DDX23: variants seen among roughly 807,000 people sequenced by gnomAD.
DDX23 encodes DEAD-box helicase 23, also known as probable ATP-dependent RNA helicase DDX23.
Under a neutral mutation model 102.7 loss-of-function variants are expected in DDX23, and 33 were observed. That is an observed-to-expected ratio of 0.32 (90% CI 0.24 to 0.43). DDX23 has a LOEUF of 0.43. Among genes scored for constraint, DDX23 ranks in the 20% least tolerant of loss-of-function variants. The pLI, the probability that DDX23 is intolerant of heterozygous loss-of-function variation, is 1.00. For synonymous variants in DDX23, 352 were observed against 376.0 expected (o/e 0.94, Z 0.74); for missense variants, 549 against 1,086.6 (o/e 0.51, Z 6.96).
intron 3 of DDX23, 25 bp downstream of exon 3, chr12:48,843,915 A>G: frequency 6.2e-7 from 1 of 1,604,222 alleles, no homozygotes. Context: ...ATTCCCCTAA[A>G]GCCCCCTCTC....
chr12:48,839,636 G>A (rs1231817838), intron 5 of DDX23: 11 of 577,932 alleles, frequency 1.9e-5, no homozygotes, highest in African/African-American at 1.7e-4. Flanking sequence ...TGTGTACAGA[G>A]GGAGGACCAT....
rs1453933691 is a variant in DDX23 at position 48,832,048 on chromosome 12, C to G, written c.2064+30G>C. 1.9e-6 allele frequency: 3 copies of G among 1,604,084 alleles called. No homozygotes were observed. The highest frequency in any genetic ancestry group is 2.2e-5 in the South Asian group (2 of 90,860). On this transcript the variant is annotated intron_variant, in intron 15 of 16. Coordinates refer to ENST00000308025, the MANE Select transcript of DDX23 (RefSeq NM_004818.3). The surrounding 1 kb of genome is among the most constrained non-coding windows in gnomAD (Gnocchi z 4.4). ...GATTCAGAAAGCAGTGCCACAGAGG[C>G]TAGACTTTGTTCTCCCCTGCCAGAC...
In DDX23 at chr12:48,836,048, T is replaced by G. The variant is rs937063712; in HGVS notation, c.1382+73A>C. On this transcript the variant is annotated intron_variant, in intron 11 of 16. Coordinates refer to ENST00000308025, the MANE Select transcript of DDX23 (RefSeq NM_004818.3). The surrounding 1 kb of genome is among the most constrained non-coding windows in gnomAD (Gnocchi z 6.1). ...TCTGATTATAGACGTAAAACAAAAA[T>G]CAAACATTCATTTGCCACTTTCACC... The G allele has an allele frequency of 2.6e-6, 4 of 1,531,152 alleles. No individual in the cohort carries two copies. The African/African-American group carries it at 5.5e-5, about 21-fold the overall frequency. The allele number at this position is 1,531,152 out of a possible 1,614,324, so 94.8% of individuals were successfully genotyped here. A position where few individuals can be genotyped will look rare whatever the true frequency, so the allele number is the denominator to read the frequency against.
chr12:48,844,317 C>T (rs1938625998), intron 2 of DDX23, among the ~76,000 whole-genome samples: 2 of 152,102 alleles, frequency 1.3e-5, no homozygotes, highest in African/African-American at 4.8e-5. Context: ...CTCACTCTCA[C>T]GCCCAGGCTG....
chr12:48,850,870 T>C (rs891136189), intron 1 of DDX23, among the ~76,000 whole-genome samples: 5 of 152,146 alleles, frequency 3.3e-5, no homozygotes, highest in African/African-American at 1.2e-4. Flanking sequence ...ATTGCGGGAA[T>C]GGAAGCCTGA....
intron 3 of DDX23, among the ~76,000 whole-genome samples, chr12:48,840,783 C>T (rs1565677511): frequency 6.6e-6 from 1 of 151,166 alleles, no homozygotes; most frequent in Non-Finnish European, 1.5e-5. Flanking sequence ...GAACTCTTGA[C>T]CTCAGGTGAT....
In DDX23 at chr12:48,850,042, G is replaced by C. The variant is rs547279385; in HGVS notation, c.-1+2042C>G. On this transcript the variant is annotated intron_variant, in intron 1 of 16. Coordinates refer to ENST00000308025, the MANE Select transcript of DDX23 (RefSeq NM_004818.3). Reference sequence around the variant, plus strand: ...TTAACTTGGATTTTAACTGCAATGGGGATCTTAGAAGAGCTTTAAACAGGA... The same window carrying C: ...TTAACTTGGATTTTAACTGCAATGGCGATCTTAGAAGAGCTTTAAACAGGA... Among the ~76,000 whole-genome samples the C allele has an allele frequency of 2.0e-5, 3 of 152,296 alleles. No homozygotes were observed. The South Asian group carries it at 6.2e-4, about 32-fold the overall frequency.
intron 5 of DDX23, among the ~76,000 whole-genome samples, chr12:48,838,442 C>T (rs764668830): frequency 6.6e-6 from 1 of 152,016 alleles, no homozygotes; most frequent in Non-Finnish European, 1.5e-5. Flanking sequence ...CCCAGCTACT[C>T]AGGAGGCTGA....
chr12:48,831,139 T>C lies in DDX23; in HGVS notation c.2239+3A>G. The C allele has an allele frequency of 6.2e-7, 1 of 1,614,090 alleles. No homozygotes were observed. Among genetic ancestry groups the C allele is most frequent in the Non-Finnish European group, 8.5e-7 (1 of 1,179,928 alleles). ...GATTGAAGCTGCTTTCCCTGGAACT[T>C]ACCTTCAATATTTTTGGCCATATCA... On this transcript the variant is annotated splice_donor_region_variant and intron_variant, in intron 16 of 16. Coordinates refer to ENST00000308025, the MANE Select transcript of DDX23 (RefSeq NM_004818.3).
At chr12:48,845,510 C>A (rs919982070) in intron 2 of DDX23, 64 bp downstream of exon 2, 7 of 1,583,610 alleles carry the variant, frequency 4.4e-6, no homozygotes, top group Non-Finnish European at 6.1e-6. Context: ...TCAGAAGAAC[C>A]AAGAAGGAAG....
chr12:48,830,399 T>C lies in DDX23; in HGVS notation c.*70A>G, dbSNP rs1466163203. Reference sequence around the variant, plus strand: ...AAGAGTGAGGACCTGGAAAGAGGGATGTGAGGGTTCTGAAAAACAGGCATC... The same window carrying C: ...AAGAGTGAGGACCTGGAAAGAGGGACGTGAGGGTTCTGAAAAACAGGCATC... On this transcript the variant is annotated 3_prime_UTR_variant, in exon 17 of 17. Transcript: ENST00000308025. The surrounding 1 kb of genome is among the most constrained non-coding windows in gnomAD (Gnocchi z 4.9). 6.5e-7 allele frequency: 1 copy of C among 1,530,950 alleles called. No homozygotes were observed. The allele number at this position is 1,530,950 out of a possible 1,614,324, so 94.8% of individuals were successfully genotyped here.
At position 48,837,927 on chromosome 12, in the gene DDX23, G is replaced by T. The variant is rs1168208157; in HGVS notation, c.619+15C>A. 1 of 1,612,076 alleles carries T rather than the reference G, an allele frequency of 6.2e-7. No individual in the cohort carries two copies. The highest frequency in any genetic ancestry group is 1.3e-5 in the African/African-American group (1 of 74,834). ...CCTCTTCCATCTAGGGGCTACACAGGGTAGAATAACAAACCCAACATCTTC... is the reference window on the plus strand; with the variant it reads ...CCTCTTCCATCTAGGGGCTACACAGTGTAGAATAACAAACCCAACATCTTC... On this transcript the variant is annotated intron_variant, in intron 6 of 16. Coordinates refer to ENST00000308025, the MANE Select transcript of DDX23 (RefSeq NM_004818.3).
intron 1 of DDX23, among the ~76,000 whole-genome samples, chr12:48,851,244 G>A (rs1179750260): frequency 1.3e-5 from 2 of 152,178 alleles, no homozygotes; most frequent in African/African-American, 2.4e-5. Context: ...GGCCGAGACA[G>A]GTGGATTGCC....
chr12:48,831,985 G>C (rs1592199191), intron 15 of DDX23, 93 bp downstream of exon 15: 1 of 1,179,172 alleles, frequency 8.5e-7, no homozygotes. Flanking sequence ...CTAAAGAAAG[G>C]GTGAGACTTG....
chr12:48,830,754 G>C lies in DDX23; in HGVS notation c.2240-62C>G. 1.3e-6 allele frequency: 2 copies of C among 1,493,426 alleles called. No homozygotes were observed. Among genetic ancestry groups the C allele is most frequent in the South Asian group, 2.6e-5 (2 of 77,544 alleles). The allele number at this position is 1,493,426 out of a possible 1,614,324, so 92.5% of individuals were successfully genotyped here. On this transcript the variant is annotated intron_variant, in intron 16 of 16. Transcript: ENST00000308025. The surrounding 1 kb of genome is among the most constrained non-coding windows in gnomAD (Gnocchi z 4.9). ...GATGCCCTGGGGAGCCGTGTCTGATGCCTCCACTTCTAGAGGCATCCTTCC... is the reference window on the plus strand; with the variant it reads ...GATGCCCTGGGGAGCCGTGTCTGATCCCTCCACTTCTAGAGGCATCCTTCC...
rs76753722 is a variant in DDX23, at chr12:48,837,916, G to A, written c.619+26C>T. ...TCCCACTCTTTCCTCTTCCATCTAG[G>A]GGCTACACAGGGTAGAATAACAAAC... On this transcript the variant is annotated intron_variant, in intron 6 of 16. Transcript: ENST00000308025. The A allele has an allele frequency of 6.7e-3, 10,819 of 1,611,890 alleles. 600 individuals carry two copies. In the African/African-American group the frequency reaches 0.13, roughly 19 times the overall value.
chr12:48,838,724 G>A (rs1367814676), intron 5 of DDX23, among the ~76,000 whole-genome samples: 4 of 151,676 alleles, frequency 2.6e-5, no homozygotes, highest in East Asian at 2.0e-4. Flanking sequence ...ATGGTGGCAC[G>A]TGCCTGTAAT....
At chr12:48,840,208 A>G in intron 3 of DDX23, 102 bp from the exon 4 acceptor site, 5 of 897,706 alleles carry the variant, frequency 5.6e-6, no homozygotes, top group Non-Finnish European at 5.6e-6. Context: ...CCATGACTCA[A>G]CAAGACTGGC....
rs1006063829 is a variant in DDX23 at position 48,832,902 on chromosome 12, G to A, written c.1804-329C>T. The A allele has an allele frequency of 4.4e-6, 2 of 453,542 alleles. No individual in the cohort carries two copies. Among genetic ancestry groups the A allele is most frequent in the Non-Finnish European group, 7.9e-6 (2 of 251,736 alleles). The allele number at this position is 453,542 out of a possible 1,614,324, so 28.1% of individuals were successfully genotyped here. On this transcript the variant is annotated intron_variant, in intron 13 of 16. Coordinates refer to ENST00000308025, the MANE Select transcript of DDX23 (RefSeq NM_004818.3). The surrounding 1 kb of genome is among the most constrained non-coding windows in gnomAD (Gnocchi z 4.4). ...TAGGACTGTCAGAGGACTGTACCTAGGCACACTTCATTCTAGAAACATGTA... is the reference window on the plus strand; with the variant it reads ...TAGGACTGTCAGAGGACTGTACCTAAGCACACTTCATTCTAGAAACATGTA...
Sources: gnomAD v4.1 joint callset for allele counts (sites outside exome capture counted in the v4.1 genomes callset) on GRCh38, gnomAD v4.1.1 for gene constraint, Gnocchi (gnomAD v3.1) non-coding constraint, MANE v1.5 for transcripts, NCBI Gene and HGNC (gene_info 2026-07-23, HGNC 2026-07-21) for gene names.